PRKAG2: variants seen among roughly 807,000 people sequenced by gnomAD.
PRKAG2 encodes 5'-AMP-activated protein kinase subunit gamma-2.
A neutral mutation model predicts 69.6 loss-of-function variants in PRKAG2; 26 were observed. The ratio of observed to expected loss-of-function variants is 0.37; its 90% CI spans 0.27 to 0.52. The LOEUF (loss-of-function observed/expected upper bound fraction) is 0.52, where lower values mean the gene tolerates loss of function less well. Among genes scored for constraint, PRKAG2 ranks in the 20% least tolerant of loss-of-function variants. The pLI, the probability that PRKAG2 is intolerant of heterozygous loss-of-function variation, is 0.90. For synonymous variants in PRKAG2, 293 were observed against 285.0 expected (o/e 1.03, Z -0.28); for missense variants, 557 against 740.0 (o/e 0.75, Z 2.87).
intron 9 of PRKAG2, 125 bp downstream of exon 9, chr7:151,572,539 A>G (rs1807823279): frequency 1.4e-6 from 1 of 733,806 alleles, no homozygotes; most frequent in Non-Finnish European, 2.4e-6. Flanking sequence ...ACAGAAATAA[A>G]GAGAATGTTT....
chr7:151,803,532 C>T (rs1392893551), intron 1 of PRKAG2, among the ~76,000 whole-genome samples: 1 of 152,126 alleles, frequency 6.6e-6, no homozygotes, highest in Non-Finnish European at 1.5e-5. Context: ...TAGCTGATTC[C>T]CACAAATTTA....
At chr7:151,768,868 T>A (rs2075877928) in intron 3 of PRKAG2, among the ~76,000 whole-genome samples, 1 of 152,240 alleles carries the variant, frequency 6.6e-6, no homozygotes, top group Admixed American at 6.5e-5. Flanking sequence ...AGCGACTCTG[T>A]AGCCTTGCTC....
In PRKAG2 at chr7:151,638,401, G is replaced by A. The variant is rs1256701914; in HGVS notation, c.685-6263C>T. Among the ~76,000 whole-genome samples, 8 of 152,208 alleles carry A rather than the reference G, an allele frequency of 5.3e-5. No homozygotes were observed. The highest frequency in any genetic ancestry group is 1.9e-4 in the African/African-American group (8 of 41,444). On this transcript the variant is annotated intron_variant, in intron 4 of 15. Coordinates refer to ENST00000287878, the MANE Select transcript of PRKAG2 (RefSeq NM_016203.4). The surrounding 1 kb of genome is among the most constrained non-coding windows in gnomAD (Gnocchi z 4.3). ...TGTAATCCCAGCACTTTGGGAGGCC[G>A]AGGCGGGCGGATCACAAGGTCAGGA...
intron 5 of PRKAG2, among the ~76,000 whole-genome samples, chr7:151,596,061 A>G (rs1295669067): frequency 6.6e-6 from 1 of 152,178 alleles, no homozygotes; most frequent in African/African-American, 2.4e-5. Flanking sequence ...AAGACCAGGA[A>G]CAAGACAAGA....
chr7:151,676,904 C>G (rs558599353), intron 3 of PRKAG2, among the ~76,000 whole-genome samples: 1 of 152,188 alleles, frequency 6.6e-6, no homozygotes, highest in Non-Finnish European at 1.5e-5. Context: ...AGGCAGCGAT[C>G]GGAGCAATGC....
chr7:151,746,661 C>T (rs1316419607), intron 3 of PRKAG2, among the ~76,000 whole-genome samples: 3 of 152,228 alleles, frequency 2.0e-5, no homozygotes, highest in East Asian at 1.9e-4. Flanking sequence ...TGAACAGCTG[C>T]GGAAAGCCTG....
intron 3 of PRKAG2, among the ~76,000 whole-genome samples, chr7:151,706,155 A>G (rs897773874): frequency 1.3e-5 from 2 of 152,252 alleles, no homozygotes; most frequent in African/African-American, 4.8e-5. Flanking sequence ...ACCCTGGGAC[A>G]TGCCCAAGGC....
At position 151,780,568 on chromosome 7, in the gene PRKAG2, A is replaced by G. The variant is rs1009224022; in HGVS notation, c.466+584T>C. 6.6e-6 allele frequency among the ~76,000 whole-genome samples: 1 copy of G among 152,154 alleles called. No individual in the cohort carries two copies. The highest frequency in any genetic ancestry group is 2.4e-5 in the African/African-American group (1 of 41,438). ...AATACCTTATCCTCAGATCACAAAC[A>G]CTAATGAACCTACGGAACTCTTTCT... On this transcript the variant is annotated intron_variant, in intron 3 of 15. Transcript: ENST00000287878. The surrounding 1 kb of genome is among the most constrained non-coding windows in gnomAD (Gnocchi z 4.2).
chr7:151,686,979 A>G (rs1215680471), intron 3 of PRKAG2, among the ~76,000 whole-genome samples: 4 of 152,220 alleles, frequency 2.6e-5, no homozygotes, highest in East Asian at 3.9e-4. Context: ...TTATTCTCCT[A>G]AAAGGAATCC....
intron 3 of PRKAG2, among the ~76,000 whole-genome samples, chr7:151,685,032 T>G (rs977542265): frequency 2.0e-5 from 3 of 152,158 alleles, no homozygotes; most frequent in Non-Finnish European, 2.9e-5. Flanking sequence ...AGGAGTCCAC[T>G]TCCTCTATAA....
intron 1 of PRKAG2, chr7:151,790,767 AC>A (rs1371142009): frequency 1.3e-5 from 2 of 152,266 alleles, no homozygotes; most frequent in African/African-American, 4.8e-5. Flanking sequence ...TTTGTTCAGC[AC>A]CAGCAGTTTC....
At chr7:151,589,424 T>C (rs767496792) in intron 6 of PRKAG2, among the ~76,000 whole-genome samples, 2 of 152,192 alleles carry the variant, frequency 1.3e-5, no homozygotes, top group Non-Finnish European at 1.5e-5. Flanking sequence ...TGGATTCGGG[T>C]CTCAGATTGG....
At chr7:151,806,740 C>T (rs1280853627) in intron 1 of PRKAG2, 2 of 318,256 alleles carry the variant, frequency 6.3e-6, no homozygotes, top group Non-Finnish European at 1.2e-5. Context: ...TGGAGACGGG[C>T]AGACCACCTG....
At chr7:151,874,240 T>TATGTATATGTATATG (rs1271767196) in intron 1 of PRKAG2, among the ~76,000 whole-genome samples, 67 of 111,214 alleles carry the variant, frequency 6.0e-4, no homozygotes, top group East Asian at 2.1e-3. Context: ...ATATGATGTA[T>TATGTATATGTATATG]ATGTATATGT....
At chr7:151,627,106 C>G (rs1280091729) in intron 5 of PRKAG2, among the ~76,000 whole-genome samples, 1 of 152,088 alleles carries the variant, frequency 6.6e-6, no homozygotes, top group East Asian at 1.9e-4. Context: ...AGTGCCGGCC[C>G]CCTGGTTTTA....
At chr7:151,661,471 G>C (rs1305757089) in intron 4 of PRKAG2, among the ~76,000 whole-genome samples, 1 of 152,140 alleles carries the variant, frequency 6.6e-6, no homozygotes, top group East Asian at 1.9e-4. Flanking sequence ...ACATGAAGAG[G>C]AAATCACGGG....
intron 3 of PRKAG2, among the ~76,000 whole-genome samples, chr7:151,692,393 A>T (rs926543149): frequency 3.9e-5 from 6 of 152,322 alleles, no homozygotes; most frequent in Admixed American, 1.3e-4. Context: ...CATTCTGGAA[A>T]AAGCAAAATT....
intron 3 of PRKAG2, among the ~76,000 whole-genome samples, chr7:151,726,371 GACACACACACAC>G (rs60238080): frequency 6.1e-5 from 9 of 148,282 alleles, no homozygotes; most frequent in African/African-American, 1.0e-4. Context: ...AGGGAGGCAG[GACACACACACAC>G]ACACACACAC....
chr7:151,700,711 C>T (rs12540926), intron 3 of PRKAG2, among the ~76,000 whole-genome samples: 1,566 of 152,226 alleles, frequency 0.01, 20 homozygotes, highest in Middle Eastern at 0.02. Flanking sequence ...ATCTCCGCCA[C>T]GCGTCCCAGG....
Sources: gnomAD v4.1 joint callset for allele counts (sites outside exome capture counted in the v4.1 genomes callset) on GRCh38, gnomAD v4.1.1 for gene constraint, Gnocchi (gnomAD v3.1) non-coding constraint, MANE v1.5 for transcripts, NCBI Gene and HGNC (gene_info 2026-07-23, HGNC 2026-07-21) for gene names.